ARID4B: variants seen among roughly 807,000 people sequenced by gnomAD.
ARID4B encodes AT-rich interaction domain 4B.
ARID4B carries 26 observed loss-of-function variants against 147.5 expected under a neutral mutation model. That is an observed-to-expected ratio of 0.18 (90% CI 0.13 to 0.24). The LOEUF is 0.24. Among genes scored for constraint, ARID4B ranks in the 10% least tolerant of loss-of-function variants. The pLI is 1.00. For missense variants in ARID4B, 1,179 were observed against 1,511.5 expected (o/e 0.78, Z 3.65); for synonymous variants, 512 against 507.9 (o/e 1.01, Z -0.11).
chr1:235,230,159 G>A (rs528222008), intron 10 of ARID4B, among the ~76,000 whole-genome samples: 3 of 152,258 alleles, frequency 2.0e-5, no homozygotes, highest in African/African-American at 4.8e-5. Context: ...GCTTATGCCT[G>A]TAATCCCAGC....
intron 6 of ARID4B, among the ~76,000 whole-genome samples, chr1:235,246,969 G>A (rs148175732): frequency 6.6e-6 from 1 of 152,106 alleles, no homozygotes; most frequent in South Asian, 2.1e-4. Context: ...AGCATCAATC[G>A]CACGAACAAA....
chr1:235,284,109 C>G (rs1671829014), intron 2 of ARID4B, among the ~76,000 whole-genome samples: 1 of 152,304 alleles, frequency 6.6e-6, no homozygotes, highest in African/African-American at 2.4e-5. Context: ...CGCCTGTAAT[C>G]CCACCACTTT....
At chr1:235,306,228 A>T (rs1673548562) in intron 2 of ARID4B, among the ~76,000 whole-genome samples, 1 of 152,150 alleles carries the variant, frequency 6.6e-6, no homozygotes, top group Admixed American at 6.5e-5. Flanking sequence ...ACTAAAAAAT[A>T]AGATTGTGCT....
At chr1:235,276,209 A>AT (rs1179767508) in intron 2 of ARID4B, among the ~76,000 whole-genome samples, 48 of 146,294 alleles carry the variant, frequency 3.3e-4, no homozygotes, top group South Asian at 1.3e-3. Context: ...AAAAAAAAAG[A>AT]TTTTTTTTTT....
chr1:235,308,743 C>G (rs965725906), intron 2 of ARID4B, among the ~76,000 whole-genome samples: 4 of 152,206 alleles, frequency 2.6e-5, no homozygotes, highest in African/African-American at 7.2e-5. Flanking sequence ...TCCCGAGGTG[C>G]CGGGATTGCA....
chr1:235,226,517 C>T (rs938015656), intron 11 of ARID4B, among the ~76,000 whole-genome samples: 7 of 150,562 alleles, frequency 4.6e-5, no homozygotes, highest in African/African-American at 7.4e-5. Context: ...CCTGCCACCA[C>T]GCCCAGCTAA....
intron 2 of ARID4B, among the ~76,000 whole-genome samples, chr1:235,303,139 G>A (rs1357570668): frequency 1.3e-5 from 2 of 151,956 alleles, no homozygotes; most frequent in African/African-American, 4.8e-5. Flanking sequence ...TAGCCACGAT[G>A]GTCTCAATCT....
chr1:235,221,031 G>A (rs1667435247), intron 14 of ARID4B, among the ~76,000 whole-genome samples: 1 of 152,120 alleles, frequency 6.6e-6, no homozygotes, highest in African/African-American at 2.4e-5. Context: ...CTGAGTAGCT[G>A]GGACTACAGG....
intron 19 of ARID4B, among the ~76,000 whole-genome samples, chr1:235,190,453 A>C (rs1435404775): frequency 1.6e-5 from 2 of 122,554 alleles, no homozygotes; most frequent in Non-Finnish European, 3.7e-5. Context: ...ATCTCAAAAA[A>C]AGAAAAGAAA....
chr1:235,270,997 T>C (rs546693893), intron 2 of ARID4B, among the ~76,000 whole-genome samples: 156 of 152,136 alleles, frequency 1.0e-3, no homozygotes, highest in Non-Finnish European at 2.1e-3. Context: ...GTAGAACATT[T>C]TTTAGTATAA....
chr1:235,304,774 T>A (rs561237385), intron 2 of ARID4B, among the ~76,000 whole-genome samples: 1 of 152,284 alleles, frequency 6.6e-6, no homozygotes, highest in South Asian at 2.1e-4. Context: ...GCAGATAAGA[T>A]CAAGCAGAAA....
In ARID4B at chr1:235,186,462, G is replaced by T. The variant is rs181579037; in HGVS notation, c.2126-3669C>A. On this transcript the variant is annotated intron_variant, in intron 19 of 23. Transcript: ENST00000264183. ...GTCTCGCTCTGTTGCCCAGGCTGGA[G>T]TGCGCTGGCAAGATCTCAGTTCACT... Among the ~76,000 whole-genome samples, 7 of 151,120 alleles carry T rather than the reference G, an allele frequency of 4.6e-5. No individual in the cohort carries two copies. The East Asian group carries it at 1.4e-3, about 29-fold the overall frequency.
intron 8 of ARID4B, among the ~76,000 whole-genome samples, chr1:235,237,854 A>G (rs1668707551): frequency 6.6e-6 from 1 of 152,170 alleles, no homozygotes; most frequent in South Asian, 2.1e-4. Context: ...TTGTAGAGAA[A>G]AGTTTATTAA....
chr1:235,254,867 T>C (rs1028961176), intron 5 of ARID4B, among the ~76,000 whole-genome samples: 1 of 152,018 alleles, frequency 6.6e-6, no homozygotes, highest in Admixed American at 6.5e-5. Flanking sequence ...AAGGGCATAC[T>C]GAAACAAAAC....
Position 235,168,450 on chromosome 1 carries a change from G to T in ARID4B, c.*75C>A. 7.0e-6 allele frequency: 10 copies of T among 1,437,088 alleles called. No homozygotes were observed. The Admixed American group carries it at 1.2e-4, about 17-fold the overall frequency. The allele number at this position is 1,437,088 out of a possible 1,614,324, so 89.0% of individuals were successfully genotyped here. A position where few individuals can be genotyped will look rare whatever the true frequency, so the allele number is the denominator to read the frequency against. ...AATAGTGCTTGTCTGATATTTTTTT[G>T]TGCCACTGTGCAGTATAAAAAAAAA... On this transcript the variant is annotated 3_prime_UTR_variant, in exon 24 of 24. Coordinates refer to ENST00000264183, the MANE Select transcript of ARID4B (RefSeq NM_016374.6).
At chr1:235,300,813 G>C (rs867726975) in intron 2 of ARID4B, among the ~76,000 whole-genome samples, 3 of 151,866 alleles carry the variant, frequency 2.0e-5, no homozygotes, top group Admixed American at 2.0e-4. Flanking sequence ...AGGTTCAAGC[G>C]ATTCTCCTGC....
At chr1:235,242,398 C>T (rs528294764) in intron 7 of ARID4B, among the ~76,000 whole-genome samples, 3 of 152,132 alleles carry the variant, frequency 2.0e-5, no homozygotes, top group Non-Finnish European at 4.4e-5. Flanking sequence ...GGGACAGTAA[C>T]GACAGTCCTC....
At chr1:235,269,049 C>A (rs1670802400) in intron 2 of ARID4B, among the ~76,000 whole-genome samples, 1 of 152,096 alleles carries the variant, frequency 6.6e-6, no homozygotes, top group Non-Finnish European at 1.5e-5. Flanking sequence ...ATATGTATGT[C>A]AAACTGATCA....
chr1:235,326,570 T>C (rs1372379290), intron 2 of ARID4B, among the ~76,000 whole-genome samples: 1 of 152,268 alleles, frequency 6.6e-6, no homozygotes, highest in Non-Finnish European at 1.5e-5. Context: ...GTGTAACTGA[T>C]AGAACCACAA....
Sources: allele counts gnomAD v4.1 joint callset (sites outside exome capture counted in the v4.1 genomes callset), GRCh38; gene constraint gnomAD v4.1.1; transcripts MANE v1.5; gene names NCBI Gene and HGNC (gene_info 2026-07-23, HGNC 2026-07-21).